The following RANBP2 variants were observed in gnomAD, a reference collection of about 807,000 sequenced individuals.
The protein encoded by RANBP2 is RAN binding protein 2.
RANBP2 carries 57 observed loss-of-function variants against 303.6 expected under a neutral mutation model. That is an observed-to-expected ratio of 0.19 (90% CI 0.15 to 0.23). The LOEUF (loss-of-function observed/expected upper bound fraction) is 0.23. Ranked by LOEUF, RANBP2 falls within the 10% of genes least tolerant of loss-of-function variation. The pLI, the probability that RANBP2 is intolerant of heterozygous loss-of-function variation, is 1.00. For missense variants in RANBP2, 3,138 were observed against 3,780.8 expected (o/e 0.83, Z 4.46); for synonymous variants, 1,167 against 1,301.5 (o/e 0.90, Z 2.23).
chr2:109,606,139 G>A, the RANBP2 span, among the ~76,000 whole-genome samples: 6 of 152,282 alleles, frequency 3.9e-5, no homozygotes, highest in East Asian at 5.8e-4. Flanking sequence ...AACACAGGCC[G>A]GGTGCCGTGG....
the RANBP2 span, among the ~76,000 whole-genome samples, chr2:109,334,184 C>T: frequency 1.3e-5 from 2 of 151,986 alleles, no homozygotes; most frequent in African/African-American, 4.8e-5. Context: ...GGTGAGACCC[C>T]GTCCCTACAA....
chr2:109,203,728 G>A, the RANBP2 span, among the ~76,000 whole-genome samples: 1 of 152,138 alleles, frequency 6.6e-6, no homozygotes, highest in East Asian at 1.9e-4. Flanking sequence ...TCTCTCCATG[G>A]GTATGCTCTG....
the RANBP2 span, among the ~76,000 whole-genome samples, chr2:109,588,446 C>A: frequency 2.6e-5 from 4 of 151,906 alleles, no homozygotes; most frequent in Non-Finnish European, 5.9e-5. Context: ...TACAGGAGGA[C>A]TGAAGGAATA....
chr2:109,623,786 A>G, the RANBP2 span, among the ~76,000 whole-genome samples: 1 of 152,186 alleles, frequency 6.6e-6, no homozygotes, highest in African/African-American at 2.4e-5. Flanking sequence ...GAAGGTGGAT[A>G]CCACCATGGA....
the RANBP2 span, among the ~76,000 whole-genome samples, chr2:109,484,559 GTT>G: frequency 6.6e-6 from 1 of 152,074 alleles, no homozygotes; most frequent in Non-Finnish European, 1.5e-5. Flanking sequence ...CTCCTGTGGA[GTT>G]ACCTCCTGCC....
chr2:109,533,870 G>A, the RANBP2 span, among the ~76,000 whole-genome samples: 5 of 152,166 alleles, frequency 3.3e-5, no homozygotes, highest in Non-Finnish European at 7.4e-5. Flanking sequence ...CACTCTTTAA[G>A]CCTGTCTTTG....
the RANBP2 span, among the ~76,000 whole-genome samples, chr2:109,593,896 C>G: frequency 6.6e-6 from 1 of 152,170 alleles, no homozygotes; most frequent in Non-Finnish European, 1.5e-5. Context: ...TATTACACGT[C>G]CATATCACTA....
the RANBP2 span, among the ~76,000 whole-genome samples, chr2:109,623,410 T>C: frequency 1.3e-5 from 2 of 152,132 alleles, no homozygotes. Flanking sequence ...TGAGCAGGCT[T>C]GTACTCGGGG....
the RANBP2 span, among the ~76,000 whole-genome samples, chr2:109,315,930 T>G: frequency 2.0e-5 from 3 of 152,162 alleles, no homozygotes; most frequent in Non-Finnish European, 4.4e-5. Context: ...CTGGGTTGTT[T>G]TGGAGAATAT....
chr2:108,797,661 T>G, the RANBP2 span, among the ~76,000 whole-genome samples: 1 of 152,176 alleles, frequency 6.6e-6, no homozygotes, highest in African/African-American at 2.4e-5. Flanking sequence ...GAGCCTGCCT[T>G]TTTAATGAGG....
the RANBP2 span, among the ~76,000 whole-genome samples, chr2:109,766,190 C>T: frequency 7.2e-4 from 109 of 151,258 alleles, no homozygotes; most frequent in South Asian, 0.013. Context: ...TCGGCAGGTA[C>T]GAGGAGGCAA....
the RANBP2 span, among the ~76,000 whole-genome samples, chr2:109,057,773 C>A: frequency 5.9e-5 from 9 of 152,168 alleles, no homozygotes; most frequent in African/African-American, 2.2e-4. Flanking sequence ...CGCCCCGCCC[C>A]GGGACAAAGA....
rs571399649 is a variant in RANBP2 at position 108,777,387 on chromosome 2, T to C, written c.8599+156T>C. ...TTAATAATGAAGGGCTTCTACACTT[T>C]ATTTTTTGACGTCAATATAATCTTA... On this transcript the variant is annotated intron_variant, in intron 25 of 28. Transcript: ENST00000283195. Among the ~76,000 whole-genome samples, 5 of 139,106 alleles carry C rather than the reference T, an allele frequency of 3.6e-5. No homozygotes were observed. In the East Asian group the frequency reaches 9.9e-4, roughly 28 times the overall value. 91.3% of individuals were successfully genotyped at this position (139,106 alleles called of 152,430 possible). A position where few individuals can be genotyped will look rare whatever the true frequency, so the allele number is the denominator to read the frequency against.
the RANBP2 span, among the ~76,000 whole-genome samples, chr2:109,283,635 G>A: frequency 1.3e-5 from 2 of 152,202 alleles, no homozygotes; most frequent in African/African-American, 4.8e-5. Flanking sequence ...GAGCTGTACT[G>A]TACTGTGATT....
At chr2:109,541,295 T>TC in the RANBP2 span, among the ~76,000 whole-genome samples, 151 of 152,368 alleles carry the variant, frequency 9.9e-4, no homozygotes, top group African/African-American at 3.6e-3. Flanking sequence ...CTATGTATTT[T>TC]CAAGTCTGTA....
the RANBP2 span, among the ~76,000 whole-genome samples, chr2:109,574,418 C>T: frequency 7.4e-6 from 1 of 135,734 alleles, no homozygotes; most frequent in Non-Finnish European, 1.5e-5. Context: ...TACCTCCAGC[C>T]TGGGTGACAG....
the RANBP2 span, chr2:109,614,765 G>C: frequency 2.0e-6 from 3 of 1,479,460 alleles, no homozygotes; most frequent in African/African-American, 4.4e-5. Context: ...AGCCCTCCGG[G>C]GACCCGCCGC....
the RANBP2 span, among the ~76,000 whole-genome samples, chr2:109,263,065 C>G: frequency 7.2e-5 from 11 of 152,056 alleles, no homozygotes; most frequent in Non-Finnish European, 1.5e-4. Flanking sequence ...AGGCTGGTCT[C>G]GAACTCCTGA....
chr2:109,262,874 C>G, the RANBP2 span, among the ~76,000 whole-genome samples: 1 of 152,028 alleles, frequency 6.6e-6, no homozygotes, highest in Non-Finnish European at 1.5e-5. Flanking sequence ...CCTCTGTTGT[C>G]CAGGCTGGAG....
Sources: allele counts gnomAD v4.1 joint callset (sites outside exome capture counted in the v4.1 genomes callset), GRCh38; gene constraint gnomAD v4.1.1; transcripts MANE v1.5; gene names NCBI Gene and HGNC (gene_info 2026-07-23, HGNC 2026-07-21).